Variants in ARFGEF3 observed in about 807,000 individuals in gnomAD.
The protein encoded by ARFGEF3 is brefeldin A-inhibited guanine nucleotide-exchange protein 3.
ARFGEF3 carries 96 observed loss-of-function variants against 221.7 expected under a neutral mutation model. The observed-to-expected ratio is 0.43, with a 90% CI of 0.37 to 0.51. The LOEUF (loss-of-function observed/expected upper bound fraction) is 0.51. ARFGEF3 is among the 20% of genes least tolerant of loss of function. The probability of loss-of-function intolerance (pLI) is 0.00; values close to 1 mark genes in which losing one functional copy is unlikely to be tolerated. For synonymous variants in ARFGEF3, 1,145 were observed against 1,126.8 expected, an observed-to-expected ratio of 1.02 and a Z score of -0.32; for missense variants, 2,410 against 2,789.9, an observed-to-expected ratio of 0.86 and a Z score of 3.07.
At chr6:138,328,728 C>A (rs1351983039) in intron 32 of ARFGEF3, among the ~76,000 whole-genome samples, 1 of 152,116 alleles carries the variant, frequency 6.6e-6, no homozygotes. Context: ...ATAGGCCAGG[C>A]ATGGTTGTTC....
At chr6:138,219,029 A>C (rs983594833) in intron 4 of ARFGEF3, among the ~76,000 whole-genome samples, 2 of 152,214 alleles carry the variant, frequency 1.3e-5, no homozygotes, top group Non-Finnish European at 2.9e-5. Flanking sequence ...AAAATATTCA[A>C]AGGCAAGGGT....
rs1562214842 is a variant in ARFGEF3, at chr6:138,319,854, G to A, written c.4626G>A (p.Glu1542=). 4.3e-6 allele frequency: 7 copies of A among 1,613,918 alleles called. No homozygotes were observed. The highest frequency in any genetic ancestry group is 5.9e-6 in the Non-Finnish European group (7 of 1,179,868). The part of the protein sequence containing the change: ...AIGLSCELVV[E]HIQSFLHSDI... ...GTCTGTCCTGTGAGCTGGTGGTGGA[G>A]CACATTCAAAGCTTTCTACATTCAG... The change falls in exon 28 of 34, where the codon GAG becomes GAA. Residue 1542 remains glutamate (E), a synonymous_variant. Coordinates refer to ENST00000251691, the MANE Select transcript of ARFGEF3 (RefSeq NM_020340.5).
At chr6:138,239,437 T>G (rs1480683357) in intron 6 of ARFGEF3, among the ~76,000 whole-genome samples, 1 of 151,894 alleles carries the variant, frequency 6.6e-6, no homozygotes, top group Admixed American at 6.6e-5. Context: ...CACCTGAGGT[T>G]AGGAGTTTGA....
In ARFGEF3 at chr6:138,294,635, G is replaced by C. The variant is rs973970623; in HGVS notation, c.3502+509G>C. 9.2e-5 allele frequency among the ~76,000 whole-genome samples: 14 copies of C among 152,330 alleles called. 1 individual carries two copies. The highest frequency in any genetic ancestry group is 3.9e-4 in the Admixed American group (6 of 15,304). On this transcript the variant is annotated intron_variant, in intron 20 of 33. Transcript: ENST00000251691. ...CCATTAATGATGGGTCAGTATCCCT[G>C]TTGTCTCCAATGAGGCCAGGTGAAG... is the stretch of plus-strand genomic sequence containing the variant.
intron 2 of ARFGEF3, among the ~76,000 whole-genome samples, chr6:138,197,034 T>C (rs1777440366): frequency 6.6e-6 from 1 of 152,176 alleles, no homozygotes; most frequent in Non-Finnish European, 1.5e-5. Context: ...GGTTTCTCCA[T>C]GTTGGTCAGA....
At chr6:138,240,663 T>C (rs1778377037) in intron 6 of ARFGEF3, among the ~76,000 whole-genome samples, 2 of 152,310 alleles carry the variant, frequency 1.3e-5, no homozygotes, top group South Asian at 4.1e-4. Context: ...TTTCCTGTTA[T>C]TTCCTTTCTA....
At chr6:138,249,844 C>T (rs993679569) in intron 8 of ARFGEF3, among the ~76,000 whole-genome samples, 1 of 152,128 alleles carries the variant, frequency 6.6e-6, no homozygotes, top group Non-Finnish European at 1.5e-5. Context: ...ATCACGACTC[C>T]ATTACCCTAA....
Position 138,255,943 on chromosome 6 carries a change from G to A in ARFGEF3, c.1104+174G>A, listed in dbSNP as rs183421500. On this transcript the variant is annotated intron_variant, in intron 10 of 33. Transcript: ENST00000251691. The stretch of plus-strand genomic sequence containing the variant: ...GTCAGTGCGTGTGTACATGTATTGC[G>A]AGCTGGGGTAGGAGGGGTCAGTGAT... Among the ~76,000 whole-genome samples, 39 of 152,236 alleles carry A rather than the reference G, an allele frequency of 2.6e-4. No individual in the cohort carries two copies. In the East Asian group the frequency reaches 7.0e-3, roughly 27 times the overall value.
At position 138,263,049 on chromosome 6, in the gene ARFGEF3, G is replaced by A; in HGVS notation, c.1566G>A (p.Gln522=). Residue 522 remains glutamine, a synonymous_variant, in exon 12 of 34, where the codon CAG becomes CAA. Coordinates refer to ENST00000251691, the MANE Select transcript of ARFGEF3 (RefSeq NM_020340.5). ...CCACTCTCGAGGGAGAGTTGGGTCAGACTACACCCGAGGACCATTCGGGAA... is the reference window on the plus strand; with the variant it reads ...CCACTCTCGAGGGAGAGTTGGGTCAAACTACACCCGAGGACCATTCGGGAA... ...GQTTLEGELG[Q]TTPEDHSGNH... The A allele has an allele frequency of 6.2e-7, 1 of 1,612,290 alleles. No individual in the cohort carries two copies. Among genetic ancestry groups the A allele is most frequent in the Non-Finnish European group, 8.5e-7 (1 of 1,179,212 alleles).
chr6:138,165,494 C>T (rs1776706407), intron 1 of ARFGEF3, among the ~76,000 whole-genome samples: 1 of 150,880 alleles, frequency 6.6e-6, no homozygotes, highest in South Asian at 2.1e-4. Flanking sequence ...GGGGGTCATC[C>T]CCCTCTGAGA....
At chr6:138,274,108 T>C (rs967723383) in intron 12 of ARFGEF3, among the ~76,000 whole-genome samples, 4 of 152,218 alleles carry the variant, frequency 2.6e-5, no homozygotes, top group Non-Finnish European at 4.4e-5. Context: ...ATTAGTGGCC[T>C]TTTTCACTTT....
At chr6:138,278,681 A>T in intron 13 of ARFGEF3, 64 bp downstream of exon 13, 1 of 1,555,010 alleles carries the variant, frequency 6.4e-7, no homozygotes, top group Non-Finnish European at 8.8e-7. Flanking sequence ...TGTACAGCCT[A>T]GCCTCAGTGC....
chr6:138,217,746 G>A, intron 4 of ARFGEF3: 1 of 507,346 alleles, frequency 2.0e-6, no homozygotes, highest in African/African-American at 2.0e-5. Flanking sequence ...GGCCCACTAG[G>A]ATAAATAACA....
intron 17 of ARFGEF3, among the ~76,000 whole-genome samples, chr6:138,289,478 A>G (rs189727427): frequency 1.3e-5 from 2 of 152,240 alleles, no homozygotes; most frequent in African/African-American, 4.8e-5. Flanking sequence ...GGGAAGGGTG[A>G]AAGGTCTGGG....
intron 24 of ARFGEF3, 71 bp downstream of exon 24, chr6:138,308,932 A>G: frequency 1.3e-6 from 2 of 1,580,102 alleles, no homozygotes; most frequent in South Asian, 1.1e-5. Flanking sequence ...GTGGCTGGAG[A>G]CAGGGCCTAC....
intron 2 of ARFGEF3, among the ~76,000 whole-genome samples, chr6:138,195,319 C>T (rs1275250725): frequency 6.6e-6 from 1 of 151,918 alleles, no homozygotes; most frequent in East Asian, 1.9e-4. Flanking sequence ...TTTCCTAATT[C>T]TGAAGGTAAC....
chr6:138,240,332 A>G (rs1271778637), intron 6 of ARFGEF3, among the ~76,000 whole-genome samples: 1 of 152,254 alleles, frequency 6.6e-6, no homozygotes, highest in African/African-American at 2.4e-5. Flanking sequence ...TATTAATAAT[A>G]TCCTAATATT....
intron 3 of ARFGEF3, among the ~76,000 whole-genome samples, chr6:138,207,341 A>T (rs1450959612): frequency 6.6e-6 from 1 of 152,204 alleles, no homozygotes; most frequent in Non-Finnish European, 1.5e-5. Context: ...GTGATCAGAC[A>T]CTGATTCATG....
At chr6:138,280,628 A>G (rs185027396) in intron 14 of ARFGEF3, among the ~76,000 whole-genome samples, 39 of 152,336 alleles carry the variant, frequency 2.6e-4, no homozygotes, top group Admixed American at 8.5e-4. Context: ...AGGTGGGTGG[A>G]TCACCTGAGG....
Sources: gnomAD v4.1 joint callset for allele counts (sites outside exome capture counted in the v4.1 genomes callset) on GRCh38, gnomAD v4.1.1 for gene constraint, MANE v1.5 for transcripts, NCBI Gene and HGNC (gene_info 2026-07-23, HGNC 2026-07-21) for gene names.